Variants in NF1 observed in about 807,000 individuals in gnomAD.
The protein encoded by NF1 is neurofibromin 1.
A neutral mutation model predicts 325.7 loss-of-function variants in NF1; 122 were observed. The observed-to-expected ratio is 0.37, with a 90% CI of 0.32 to 0.44. The LOEUF (loss-of-function observed/expected upper bound fraction) is 0.44. Ranked by LOEUF, NF1 falls within the 20% of genes least tolerant of loss-of-function variation. The pLI is 1.00. For synonymous variants in NF1, 1,091 were observed against 1,186.0 expected, an observed-to-expected ratio of 0.92 and a Z score of 1.65; for missense variants, 2,140 against 3,415.4, an observed-to-expected ratio of 0.63 and a Z score of 9.31.
intron 1 of NF1, among the ~76,000 whole-genome samples, chr17:31,118,263 T>TA (rs1325389951): frequency 6.6e-6 from 1 of 152,138 alleles, no homozygotes; most frequent in African/African-American, 2.4e-5. Context: ...GTAGGATCTT[T>TA]AGGGAGCTCA....
intron 36 of NF1, among the ~76,000 whole-genome samples, chr17:31,274,052 T>A (rs1322747519): frequency 6.6e-6 from 1 of 152,178 alleles, no homozygotes; most frequent in African/African-American, 2.4e-5. Context: ...AAAAAATAAT[T>A]CAGTAATACA....
intron 8 of NF1, among the ~76,000 whole-genome samples, chr17:31,195,108 T>C (rs191039688): frequency 1.3e-5 from 2 of 152,274 alleles, no homozygotes; most frequent in East Asian, 3.9e-4. Flanking sequence ...CCTTTGACTT[T>C]TGCTTATCAT....
chr17:31,230,027 T>C, intron 22 of NF1, 53 bp downstream of exon 22: 1 of 1,594,196 alleles, frequency 6.3e-7, no homozygotes, highest in East Asian at 2.2e-5. Flanking sequence ...AAGAAAAACC[T>C]CTTACACACT....
chr17:31,127,623 G>A (rs1471065748), intron 1 of NF1, among the ~76,000 whole-genome samples: 1 of 150,444 alleles, frequency 6.6e-6, no homozygotes, highest in African/African-American at 2.4e-5. Flanking sequence ...AAAGAAACGG[G>A]GTTTTGCTAT....
intron 1 of NF1, among the ~76,000 whole-genome samples, chr17:31,123,505 C>CT (rs1254185171): frequency 1.3e-5 from 2 of 152,186 alleles, no homozygotes; most frequent in African/African-American, 4.8e-5. Context: ...AGCCTAGTCT[C>CT]TAACTTCTAG....
intron 29 of NF1, among the ~76,000 whole-genome samples, chr17:31,237,314 A>G (rs2067220180): frequency 1.3e-5 from 2 of 152,118 alleles, no homozygotes; most frequent in South Asian, 4.1e-4. Flanking sequence ...TCACTCTGTC[A>G]CCCAGGCTGG....
At chr17:31,349,827 G>A (rs957485310) in intron 49 of NF1, among the ~76,000 whole-genome samples, 5 of 152,122 alleles carry the variant, frequency 3.3e-5, no homozygotes, top group Non-Finnish European at 1.5e-5. Flanking sequence ...GAACATAGTT[G>A]TTTGATAGAA....
intron 8 of NF1, among the ~76,000 whole-genome samples, chr17:31,193,182 G>T (rs983126502): frequency 6.6e-6 from 1 of 152,138 alleles, no homozygotes; most frequent in Non-Finnish European, 1.5e-5. Flanking sequence ...AGAAATGCCA[G>T]TTCTTAGTTT....
chr17:31,307,299 G>T (rs188742646), intron 36 of NF1, among the ~76,000 whole-genome samples: 2 of 151,912 alleles, frequency 1.3e-5, no homozygotes, highest in Admixed American at 1.3e-4. Context: ...GATTACAGGT[G>T]TGAGCCACCA....
intron 36 of NF1, chr17:31,297,399 T>G (rs1476251828): frequency 6.6e-6 from 1 of 152,208 alleles, no homozygotes; most frequent in Non-Finnish European, 1.5e-5. Context: ...GGACAATTTT[T>G]TAAAAAATTT....
At chr17:31,304,448 T>G (rs761696879) in intron 36 of NF1, 3 of 1,614,208 alleles carry the variant, frequency 1.9e-6, no homozygotes, top group Non-Finnish European at 1.7e-6. Flanking sequence ...ATCTCAGATT[T>G]ATGATCTCCA....
chr17:31,199,831 G>A (rs1455194645), intron 8 of NF1, among the ~76,000 whole-genome samples: 1 of 152,036 alleles, frequency 6.6e-6, no homozygotes, highest in Admixed American at 6.6e-5. Flanking sequence ...AAGAAGATAT[G>A]GTCAGCTGAA....
chr17:31,354,035 T>C (rs1480975514), intron 51 of NF1, among the ~76,000 whole-genome samples: 1 of 152,242 alleles, frequency 6.6e-6, no homozygotes, highest in Non-Finnish European at 1.5e-5. Context: ...AATTCTGGAT[T>C]TTCATGCCAA....
intron 3 of NF1, among the ~76,000 whole-genome samples, chr17:31,162,757 C>A (rs144879591): frequency 6.6e-6 from 1 of 152,152 alleles, no homozygotes; most frequent in Admixed American, 6.5e-5. Context: ...TCAGTCTGCA[C>A]AAAAGCAAGT....
At chr17:31,295,109 G>A (rs1247302813) in intron 36 of NF1, 2 of 1,614,164 alleles carry the variant, frequency 1.2e-6, no homozygotes, top group African/African-American at 2.7e-5. Context: ...TACATTTGTG[G>A]TTGTCTCTTC....
At chr17:31,250,134 A>G (rs2067470251) in intron 30 of NF1, 1 of 377,112 alleles carries the variant, frequency 2.7e-6, no homozygotes, top group Admixed American at 3.9e-5. Context: ...CGGTATACAT[A>G]GATGATAAAA....
chr17:31,150,817 A>T (rs1421998751), intron 1 of NF1, among the ~76,000 whole-genome samples: 2 of 152,222 alleles, frequency 1.3e-5, no homozygotes, highest in South Asian at 4.1e-4. Flanking sequence ...GGATTACCTG[A>T]GGTCAGGAGT....
chr17:31,149,274 A>C lies in NF1; in HGVS notation c.61-6709A>C, dbSNP rs139154809. On this transcript the variant is annotated intron_variant, in intron 1 of 57. Transcript: ENST00000358273. ...TATATAAATATATACACTTATATAC[A>C]TGTACACACACACACATACACACAC... 3.6e-3 allele frequency among the ~76,000 whole-genome samples: 550 copies of C among 150,940 alleles called. 3 individuals are homozygous for C. The highest frequency in any genetic ancestry group is 6.8e-3 in the Middle Eastern group (2 of 294).
intron 15 of NF1, chr17:31,222,374 GA>G: frequency 9.7e-7 from 1 of 1,035,648 alleles, no homozygotes. Flanking sequence ...CTGCTTAGAA[GA>G]AAAAAATGTA....
Sources: allele counts gnomAD v4.1 joint callset (sites outside exome capture counted in the v4.1 genomes callset), GRCh38; gene constraint gnomAD v4.1.1; transcripts MANE v1.5; gene names NCBI Gene and HGNC (gene_info 2026-07-23, HGNC 2026-07-21).